RANBP2: variants seen among roughly 807,000 people sequenced by gnomAD.
The protein encoded by RANBP2 is RAN binding protein 2.
A neutral mutation model predicts 303.6 loss-of-function variants in RANBP2; 57 were observed. The observed-to-expected ratio is 0.19, with a 90% confidence interval of 0.15 to 0.23. The LOEUF (loss-of-function observed/expected upper bound fraction) is 0.23. Ranked by LOEUF, RANBP2 falls within the 10% of genes least tolerant of loss-of-function variation. RANBP2 has a pLI of 1.00. For synonymous variants in RANBP2, 1,167 were observed against 1,301.5 expected (o/e 0.90, Z 2.23); for missense variants, 3,138 against 3,780.8 (o/e 0.83, Z 4.46).
At chr2:109,590,424 CTT>C in the RANBP2 span, among the ~76,000 whole-genome samples, 4 of 146,592 alleles carry the variant, frequency 2.7e-5, no homozygotes, top group East Asian at 2.0e-4. Flanking sequence ...GAGGTAAATC[CTT>C]TTTTTTTTTC....
chr2:108,999,341 G>A, the RANBP2 span, among the ~76,000 whole-genome samples: 2 of 152,152 alleles, frequency 1.3e-5, no homozygotes, highest in Non-Finnish European at 2.9e-5. Flanking sequence ...TAACAATTAC[G>A]CTTATCTCTT....
the RANBP2 span, among the ~76,000 whole-genome samples, chr2:109,405,485 ATCT>A: frequency 6.6e-6 from 1 of 151,982 alleles, no homozygotes; most frequent in Admixed American, 6.6e-5. Flanking sequence ...GCCTGTGCAG[ATCT>A]TCTCCCTGCG....
At chr2:109,234,031 T>G in the RANBP2 span, among the ~76,000 whole-genome samples, 112 of 152,364 alleles carry the variant, frequency 7.4e-4, no homozygotes, top group Non-Finnish European at 1.6e-3. Flanking sequence ...AAGGTTTTTG[T>G]GTTAATATGT....
At position 108,740,579 on chromosome 2, in the gene RANBP2, G is replaced by T. The variant is rs369585628; in HGVS notation, c.873G>T (p.Met291Ile). ...TFLEMKGHFYMHAGSLLLKMG... is the reference protein window; with the variant it reads ...TFLEMKGHFYIHAGSLLLKMG... ...TAGAAATGAAAGGACATTTCTACAT[G>T]CATGCTGGTTCTCTGCTTTTGAAGA... Residue 291 changes from methionine to isoleucine, a missense_variant, in exon 7 of 29, where the codon ATG (methionine) becomes ATT (isoleucine). Met to Ile is a conservative substitution (Grantham distance 10). Around this residue, in one of 20 missense-constraint regions of RANBP2, gnomAD observed 306 missense variants for 381.9 expected, o/e 0.80. Coordinates refer to ENST00000283195, the MANE Select transcript of RANBP2 (RefSeq NM_006267.5). The T allele has an allele frequency of 6.9e-6, 11 of 1,597,538 alleles. No homozygotes were observed. In the East Asian group the frequency reaches 1.6e-4, roughly 23 times the overall value.
At chr2:109,275,576 A>T in the RANBP2 span, among the ~76,000 whole-genome samples, 16 of 152,318 alleles carry the variant, frequency 1.1e-4, no homozygotes, top group Middle Eastern at 3.4e-3. Context: ...AGCACTCAAA[A>T]GAGTGCCCCG....
chr2:108,873,971 T>C, the RANBP2 span, among the ~76,000 whole-genome samples: 1 of 152,174 alleles, frequency 6.6e-6, no homozygotes, highest in Admixed American at 6.5e-5. Flanking sequence ...CTAACGCTGA[T>C]CTAAGACCAC....
the RANBP2 span, among the ~76,000 whole-genome samples, chr2:109,537,950 A>AAC: frequency 5.9e-5 from 9 of 152,000 alleles, 1 homozygote; most frequent in Admixed American, 3.3e-4. Flanking sequence ...CCTGTCTCAA[A>AAC]ACACACACAC....
At chr2:109,218,505 G>C in the RANBP2 span, among the ~76,000 whole-genome samples, 2 of 152,188 alleles carry the variant, frequency 1.3e-5, no homozygotes, top group African/African-American at 4.8e-5. Context: ...AGAAATAGAA[G>C]AGCAGATGGA....
At chr2:109,258,687 G>A in the RANBP2 span, among the ~76,000 whole-genome samples, 2 of 152,234 alleles carry the variant, frequency 1.3e-5, no homozygotes, top group African/African-American at 4.8e-5. Flanking sequence ...TGTGGCAGCC[G>A]TGTCTGAGTG....
the RANBP2 span, among the ~76,000 whole-genome samples, chr2:109,175,430 C>T: frequency 2.0e-5 from 3 of 152,196 alleles, no homozygotes; most frequent in East Asian, 1.9e-4. Context: ...TTTTGGCAGT[C>T]GTCTGTGTAA....
chr2:109,650,994 A>G, the RANBP2 span, among the ~76,000 whole-genome samples: 2 of 152,162 alleles, frequency 1.3e-5, no homozygotes, highest in Non-Finnish European at 2.9e-5. Context: ...GAGTGGAGGT[A>G]AATGGCTGGC....
At chr2:109,111,469 A>G in the RANBP2 span, among the ~76,000 whole-genome samples, 3 of 17,976 alleles carry the variant, frequency 1.7e-4, no homozygotes, top group Non-Finnish European at 1.4e-3. Context: ...ACAGGCTTCA[A>G]TCTGAACTCT....
At chr2:109,697,903 G>A in the RANBP2 span, among the ~76,000 whole-genome samples, 10 of 141,330 alleles carry the variant, frequency 7.1e-5, no homozygotes, top group Admixed American at 2.3e-4. Flanking sequence ...TCTGTCATCC[G>A]GGCTGGAGTG....
At chr2:108,734,919 C>T (rs1276384425) in intron 4 of RANBP2, among the ~76,000 whole-genome samples, 10 of 152,066 alleles carry the variant, frequency 6.6e-5, no homozygotes, top group South Asian at 2.1e-4. Context: ...TAGCCGGGCA[C>T]GGTGGTGCAT....
the RANBP2 span, among the ~76,000 whole-genome samples, chr2:109,684,189 G>A: frequency 1.2e-4 from 18 of 144,374 alleles, no homozygotes; most frequent in South Asian, 3.5e-3. Context: ...TGATCCACCC[G>A]CCTTAGCCTC....
At chr2:109,543,576 C>T in the RANBP2 span, 1 of 152,042 alleles carries the variant, frequency 6.6e-6, no homozygotes, top group South Asian at 2.1e-4. Context: ...AAACATATTC[C>T]CCAAAATTTT....
At chr2:109,272,474 A>T in the RANBP2 span, among the ~76,000 whole-genome samples, 1 of 152,188 alleles carries the variant, frequency 6.6e-6, no homozygotes, top group Admixed American at 6.5e-5. Flanking sequence ...GGTGTGTGGG[A>T]CGCAGGGAGC....
the RANBP2 span, among the ~76,000 whole-genome samples, chr2:108,987,545 C>G: frequency 6.6e-6 from 1 of 152,218 alleles, no homozygotes; most frequent in Non-Finnish European, 1.5e-5. Flanking sequence ...AAGCAAGAAA[C>G]CAGGTAGTGG....
the RANBP2 span, among the ~76,000 whole-genome samples, chr2:109,514,999 G>T: frequency 1.1e-4 from 16 of 151,072 alleles, no homozygotes; most frequent in African/African-American, 3.6e-4. Flanking sequence ...AACCACATCT[G>T]CCAACTCTCA....
Sources: allele counts gnomAD v4.1 joint callset (sites outside exome capture counted in the v4.1 genomes callset), GRCh38; gene constraint gnomAD v4.1.1; regional missense constraint gnomAD v4.1.1; transcripts MANE v1.5; gene names NCBI Gene and HGNC (gene_info 2026-07-23, HGNC 2026-07-21).